STRADA: variants seen among roughly 807,000 people sequenced by gnomAD.
STRADA encodes the protein STE20-related kinase adapter protein alpha.
A neutral mutation model predicts 55.0 loss-of-function variants in STRADA; 26 were observed. The ratio of observed to expected loss-of-function variants is 0.47; its 90% CI spans 0.35 to 0.66. The LOEUF (loss-of-function observed/expected upper bound fraction) is 0.66, where lower values mean the gene tolerates loss of function less well. Among genes scored for constraint, STRADA ranks in the 30% least tolerant of loss-of-function variants. The pLI, the probability that STRADA is intolerant of heterozygous loss-of-function variation, is 0.01. For synonymous variants in STRADA, 197 were observed against 210.9 expected, an observed-to-expected ratio of 0.93 and a Z score of 0.57; for missense variants, 443 against 549.7, an observed-to-expected ratio of 0.81 and a Z score of 1.94.
At position 63,703,760 on chromosome 17, in the gene STRADA, G is replaced by T. The variant is rs377409981; in HGVS notation, c.1144-9C>A. 51 of 1,613,496 alleles carry T rather than the reference G, an allele frequency of 3.2e-5. No homozygotes were observed. Among genetic ancestry groups the T allele is most frequent in the Non-Finnish European group, 4.2e-5 (50 of 1,179,648 alleles). On this transcript the variant is annotated splice_polypyrimidine_tract_variant and intron_variant, in intron 12 of 12. Coordinates refer to ENST00000336174, the MANE Select transcript of STRADA (RefSeq NM_001003787.4). ...GAGGCACGTCGCTTGATCTGGGGGA[G>T]AAGAGAGAGGTGGGTGACAGATCCT...
chr17:63,723,459 G>A lies in STRADA; in HGVS notation c.95-133C>T, dbSNP rs1016244429. ...CTTAAAAGTCATTACAGCAAAAAGT[G>A]CCTGCGGGGCTACATATAAACACAC... On this transcript the variant is annotated intron_variant, in intron 3 of 12. Coordinates refer to ENST00000336174, the MANE Select transcript of STRADA (RefSeq NM_001003787.4). 3 of 945,550 alleles carry A rather than the reference G, an allele frequency of 3.2e-6. No individual in the cohort carries two copies. In the Admixed American group the frequency reaches 6.2e-5, roughly 20 times the overall value. 58.6% of individuals were successfully genotyped at this position (945,550 alleles called of 1,614,324 possible). A position where few individuals can be genotyped will look rare whatever the true frequency, so the allele number is the denominator to read the frequency against.
At chr17:63,713,297 C>T (rs1377750144) in intron 6 of STRADA, 109 bp downstream of exon 6, 3 of 1,463,888 alleles carry the variant, frequency 2.0e-6, no homozygotes, top group Admixed American at 2.2e-5. Flanking sequence ...TGAAAGCTTC[C>T]ATAACTTCCG....
chr17:63,707,897 A>AT (rs58463647), intron 8 of STRADA, among the ~76,000 whole-genome samples: 5,293 of 144,714 alleles, frequency 0.037, 311 homozygotes, highest in African/African-American at 0.12. Flanking sequence ...CGCCCGGCTA[A>AT]TTTTTTTTTT....
rs1054229778 is a variant in STRADA at position 63,710,425 on chromosome 17, T to C, written c.581+66A>G. On this transcript the variant is annotated intron_variant, in intron 8 of 12. Transcript: ENST00000336174. ...TTCATTAACTTCAGTCAAACTTCACTTTACCTGAAGGCTCAGGGGCATAGC... is the reference window on the plus strand; with the variant it reads ...TTCATTAACTTCAGTCAAACTTCACCTTACCTGAAGGCTCAGGGGCATAGC... 2.5e-6 allele frequency: 4 copies of C among 1,594,912 alleles called. No homozygotes were observed. The African/African-American group carries it at 5.4e-5, about 21-fold the overall frequency.
At chr17:63,711,664 G>T (rs1200504749) in intron 6 of STRADA, among the ~76,000 whole-genome samples, 1 of 152,016 alleles carries the variant, frequency 6.6e-6, no homozygotes, top group African/African-American at 2.4e-5. Context: ...GCCGGGCATG[G>T]TGGCTCACGC....
At chr17:63,711,608 A>G (rs2036502943) in intron 6 of STRADA, among the ~76,000 whole-genome samples, 1 of 151,444 alleles carries the variant, frequency 6.6e-6, no homozygotes, top group Admixed American at 6.6e-5. Context: ...GGCGTGAGCC[A>G]CTGTGCCCAG....
At position 63,710,714 on chromosome 17, in the gene STRADA, C is replaced by A; in HGVS notation, c.457+14G>T. The A allele has an allele frequency of 6.2e-7, 1 of 1,614,062 alleles. No homozygotes were observed. The highest frequency in any genetic ancestry group is 2.2e-5 in the East Asian group (1 of 44,888). On this transcript the variant is annotated intron_variant, in intron 7 of 12. Transcript: ENST00000336174. Reference sequence around the variant, plus strand: ...CCAATAACCCCTTTCTACCAAGAACCCTTTCCCACTCACCGTATGCCATGA... The same window carrying A: ...CCAATAACCCCTTTCTACCAAGAACACTTTCCCACTCACCGTATGCCATGA...
chr17:63,723,512 G>C (rs1346545872), intron 3 of STRADA, 186 bp from the exon 4 acceptor site: 2 of 627,536 alleles, frequency 3.2e-6, no homozygotes, highest in African/African-American at 3.7e-5. Flanking sequence ...ATGCTGCAGA[G>C]AGATAGGGCT....
intron 4 of STRADA, 125 bp downstream of exon 4, chr17:63,723,173 T>C (rs929287784): frequency 2.5e-6 from 3 of 1,187,808 alleles, no homozygotes; most frequent in African/African-American, 3.0e-5. Context: ...AAAATCACAC[T>C]ACAAATAAAG....
At chr17:63,724,124 CTTCTTTTTAATT>C (rs947787774) in intron 3 of STRADA, among the ~76,000 whole-genome samples, 1 of 151,972 alleles carries the variant, frequency 6.6e-6, no homozygotes, top group Admixed American at 6.6e-5. Context: ...AAAATGCTTT[CTTCTTTTTAATT>C]TTTTTTTTAA....
intron 1 of STRADA, among the ~76,000 whole-genome samples, chr17:63,729,981 G>A (rs963786988): frequency 6.6e-6 from 1 of 151,760 alleles, no homozygotes; most frequent in African/African-American, 2.4e-5. Context: ...GGGATAACAG[G>A]TGCCTGCCAC....
intron 6 of STRADA, among the ~76,000 whole-genome samples, chr17:63,711,553 A>G (rs2036499542): frequency 6.6e-6 from 1 of 151,566 alleles, no homozygotes; most frequent in East Asian, 2.0e-4. Context: ...GGGTTTTGCC[A>G]TGTTGCCTAG....
intron 8 of STRADA, among the ~76,000 whole-genome samples, chr17:63,707,880 G>A (rs1454857891): frequency 2.0e-5 from 3 of 149,104 alleles, no homozygotes; most frequent in South Asian, 2.1e-4. Context: ...ACAGGCACCC[G>A]CCACCACGCC....
intron 1 of STRADA, among the ~76,000 whole-genome samples, chr17:63,730,442 C>A (rs546106257): frequency 2.2e-4 from 33 of 149,870 alleles, no homozygotes; most frequent in African/African-American, 7.6e-4. Flanking sequence ...GTCATCCAGT[C>A]TGGAGTGCAG....
chr17:63,732,115 G>C (rs944739019), intron 1 of STRADA, among the ~76,000 whole-genome samples: 1 of 152,010 alleles, frequency 6.6e-6, no homozygotes. Context: ...TGATCCACCC[G>C]CCTCGGCCTC....
At position 63,710,482 on chromosome 17, in the gene STRADA, A is replaced by C. The variant is rs200164956; in HGVS notation, c.581+9T>G. 1.9e-6 allele frequency: 3 copies of C among 1,613,230 alleles called. No homozygotes were observed. In the East Asian group the frequency reaches 6.7e-5, roughly 36 times the overall value. On this transcript the variant is annotated intron_variant, in intron 8 of 12. Transcript: ENST00000336174. ...CTGTAATCATGGGAAAGGCCGCCTA[A>C]GAACGCACCTGTGTACATATCCCAT...
chr17:63,707,636 T>A, intron 8 of STRADA: 1 of 498,722 alleles, frequency 2.0e-6, no homozygotes, highest in Non-Finnish European at 3.6e-6. Context: ...CTAGGCTCAC[T>A]GCAACCTCTG....
chr17:63,712,300 C>T (rs1044194218), intron 6 of STRADA, among the ~76,000 whole-genome samples: 4 of 152,082 alleles, frequency 2.6e-5, no homozygotes, highest in Non-Finnish European at 4.4e-5. Context: ...CTCAAACTCC[C>T]GGGCTCAAGC....
rs150231929 is a variant in STRADA at position 63,716,785 on chromosome 17, T to C, written c.124-2677A>G. 1.0e-3 allele frequency among the ~76,000 whole-genome samples: 159 copies of C among 152,318 alleles called. 4 individuals carry two copies. The East Asian group carries it at 0.024, about 23-fold the overall frequency. On this transcript the variant is annotated intron_variant, in intron 4 of 12. Transcript: ENST00000336174. ...AAACTTACTGTGTTTAACCCAGCATTTCCCAAAGAGATCTGTCTAGGGAAC... is the reference window on the plus strand; with the variant it reads ...AAACTTACTGTGTTTAACCCAGCATCTCCCAAAGAGATCTGTCTAGGGAAC...
Sources: allele counts gnomAD v4.1 joint callset (sites outside exome capture counted in the v4.1 genomes callset), GRCh38; gene constraint gnomAD v4.1.1; transcripts MANE v1.5; gene names NCBI Gene and HGNC (gene_info 2026-07-23, HGNC 2026-07-21).